The following CALN1 variants were observed in gnomAD, a reference collection of about 807,000 sequenced individuals.
CALN1 encodes calneuron 1.
CALN1 carries 17 observed loss-of-function variants against 30.6 expected under a neutral mutation model. The ratio of observed to expected loss-of-function variants is 0.56; its 90% CI spans 0.38 to 0.83. The LOEUF (loss-of-function observed/expected upper bound fraction) is 0.83. Ranked by LOEUF, CALN1 falls within the 40% of genes least tolerant of loss-of-function variation. The pLI is 0.00. For missense variants in CALN1, 291 were observed against 354.9 expected (o/e 0.82, Z 1.45); for synonymous variants, 156 against 131.4 (o/e 1.19, Z -1.28).
At chr7:72,487,780 G>GGGTAA in the CALN1 span, among the ~76,000 whole-genome samples, 2 of 108,470 alleles carry the variant, frequency 1.8e-5, no homozygotes, top group Admixed American at 9.2e-5. Flanking sequence ...AAGAAAGAAA[G>GGGTAA]AGAAAGAAAG....
intron 3 of CALN1, among the ~76,000 whole-genome samples, chr7:72,151,785 C>A (rs1410952477): frequency 6.6e-6 from 1 of 152,140 alleles, no homozygotes; most frequent in Non-Finnish European, 1.5e-5. Context: ...AGTCATAGCT[C>A]ACTGCAGCCT....
intron 5 of CALN1, among the ~76,000 whole-genome samples, chr7:71,889,319 A>G (rs1793100710): frequency 6.6e-6 from 1 of 152,094 alleles, no homozygotes; most frequent in Non-Finnish European, 1.5e-5. Context: ...TCTTTTATTT[A>G]TTTATTTTAA....
chr7:71,803,867 C>A (rs546420681), intron 6 of CALN1, among the ~76,000 whole-genome samples: 3 of 152,060 alleles, frequency 2.0e-5, no homozygotes, highest in South Asian at 4.2e-4. Flanking sequence ...GGTGATGCTT[C>A]CATATGACTG....
chr7:71,803,315 G>A (rs1160268069), intron 6 of CALN1, among the ~76,000 whole-genome samples: 1 of 152,100 alleles, frequency 6.6e-6, no homozygotes, highest in Non-Finnish European at 1.5e-5. Flanking sequence ...TGTGATTGAT[G>A]GAAAGGTCGA....
intron 4 of CALN1, among the ~76,000 whole-genome samples, chr7:72,029,929 C>A (rs532245480): frequency 6.6e-6 from 1 of 152,286 alleles, no homozygotes; most frequent in African/African-American, 2.4e-5. Context: ...GCACAGGTGG[C>A]CACGTGGACT....
intron 5 of CALN1, among the ~76,000 whole-genome samples, chr7:71,854,337 A>T (rs1479902310): frequency 1.3e-5 from 2 of 151,990 alleles, no homozygotes. Context: ...GACTCCCTCT[A>T]AAAAAATAAC....
the CALN1 span, among the ~76,000 whole-genome samples, chr7:72,502,780 T>A: frequency 6.6e-6 from 1 of 152,210 alleles, no homozygotes; most frequent in South Asian, 2.1e-4. Flanking sequence ...AAACAATTTC[T>A]CTCTTATATG....
intron 5 of CALN1, among the ~76,000 whole-genome samples, chr7:71,979,869 C>CTTTTTTTTTTTTTTTTT (rs555621436): frequency 1.1e-5 from 1 of 89,692 alleles, no homozygotes; most frequent in African/African-American, 4.3e-5. Context: ...CATCAGGATT[C>CTTTTTTTTTTTTTTTTT]TTTTTTTTTT....
chr7:72,102,872 A>G (rs1449470541), intron 4 of CALN1, among the ~76,000 whole-genome samples: 1 of 152,058 alleles, frequency 6.6e-6, no homozygotes, highest in Non-Finnish European at 1.5e-5. Context: ...CAAGAGATCG[A>G]GACCATCCTG....
intron 5 of CALN1, among the ~76,000 whole-genome samples, chr7:71,933,437 C>T (rs926390346): frequency 1.3e-5 from 2 of 152,150 alleles, no homozygotes; most frequent in African/African-American, 4.8e-5. Flanking sequence ...AGCTGTTCTC[C>T]TTTCTCTTTC....
chr7:72,231,387 G>C (rs1301529798), intron 3 of CALN1, among the ~76,000 whole-genome samples: 1 of 152,144 alleles, frequency 6.6e-6, no homozygotes, highest in South Asian at 2.1e-4. Context: ...TGCAGTGTTT[G>C]GTTTTCTGTT....
chr7:72,163,475 T>C (rs769160348), intron 3 of CALN1, among the ~76,000 whole-genome samples: 3 of 149,776 alleles, frequency 2.0e-5, no homozygotes, highest in African/African-American at 4.9e-5. Context: ...TGACTCGATA[T>C]TGAAATTGGC....
At chr7:71,817,517 CATTT>C (rs1230935466) in intron 5 of CALN1, among the ~76,000 whole-genome samples, 1 of 152,054 alleles carries the variant, frequency 6.6e-6, no homozygotes, top group Non-Finnish European at 1.5e-5. Flanking sequence ...TTTGTTTATT[CATTT>C]ATTTATTTTT....
intron 4 of CALN1, among the ~76,000 whole-genome samples, chr7:72,037,871 C>T (rs923260484): frequency 2.0e-5 from 3 of 152,198 alleles, no homozygotes; most frequent in Non-Finnish European, 4.4e-5. Flanking sequence ...CACTTTCTAG[C>T]GTTCCTTGTA....
At position 72,007,060 on chromosome 7, in the gene CALN1, C is replaced by A. The variant is rs117962691; in HGVS notation, c.501+16597G>T. On this transcript the variant is annotated intron_variant, in intron 5 of 6. Coordinates refer to ENST00000395275, the MANE Select transcript of CALN1 (RefSeq NM_031468.4). ...TGAGATGAGAGACAGTTCTTCCTCA[C>A]GTGTCAATTCACCCTTTCTTAATGG... 3.5e-4 allele frequency among the ~76,000 whole-genome samples: 54 copies of A among 152,316 alleles called. No homozygotes were observed. The East Asian group carries it at 9.1e-3, about 26-fold the overall frequency.
At chr7:72,131,388 A>T (rs1399685612) in intron 3 of CALN1, among the ~76,000 whole-genome samples, 1 of 152,196 alleles carries the variant, frequency 6.6e-6, no homozygotes, top group Non-Finnish European at 1.5e-5. Flanking sequence ...TTCAGCACTG[A>T]AACGGTGCCT....
At chr7:72,280,148 A>T (rs879758563) in intron 2 of CALN1, among the ~76,000 whole-genome samples, 1 of 152,230 alleles carries the variant, frequency 6.6e-6, no homozygotes, top group African/African-American at 2.4e-5. Context: ...ATGTCTAAAA[A>T]TGAATTAATT....
intron 4 of CALN1, among the ~76,000 whole-genome samples, chr7:72,078,637 A>C (rs1249581708): frequency 6.6e-6 from 1 of 152,080 alleles, no homozygotes; most frequent in African/African-American, 2.4e-5. Context: ...CTGAGTAAGA[A>C]CACTGTCAGG....
At chr7:71,809,987 C>A (rs569705281) in intron 6 of CALN1, among the ~76,000 whole-genome samples, 4 of 151,990 alleles carry the variant, frequency 2.6e-5, no homozygotes, top group Non-Finnish European at 5.9e-5. Flanking sequence ...CCAAGTTTGC[C>A]GGACAGCCAA....
Sources: allele counts gnomAD v4.1 joint callset (sites outside exome capture counted in the v4.1 genomes callset), GRCh38; gene constraint gnomAD v4.1.1; transcripts MANE v1.5; gene names NCBI Gene and HGNC (gene_info 2026-07-23, HGNC 2026-07-21).